RANBP2: variants seen among roughly 807,000 people sequenced by gnomAD.
RANBP2 encodes the protein E3 SUMO-protein ligase RanBP2.
Under a neutral mutation model 303.6 loss-of-function variants are expected in RANBP2, and 57 were observed. The observed-to-expected ratio is 0.19, with a 90% confidence interval of 0.15 to 0.23. RANBP2 has a LOEUF of 0.23. RANBP2 is among the 10% of genes least tolerant of loss of function. RANBP2 has a pLI of 1.00. For missense variants in RANBP2, 3,138 were observed against 3,780.8 expected, an observed-to-expected ratio of 0.83 and a Z score of 4.46; for synonymous variants, 1,167 against 1,301.5, an observed-to-expected ratio of 0.90 and a Z score of 2.23.
At chr2:109,466,750 TG>T in the RANBP2 span, among the ~76,000 whole-genome samples, 4 of 152,338 alleles carry the variant, frequency 2.6e-5, no homozygotes, top group Middle Eastern at 0.014. Context: ...TGTGTGCATT[TG>T]TGTGTCTATA....
chr2:109,777,449 A>T, the RANBP2 span, among the ~76,000 whole-genome samples: 1 of 136,980 alleles, frequency 7.3e-6, no homozygotes, highest in African/African-American at 2.7e-5. Flanking sequence ...TATGGTATAT[A>T]ATCCTTTTAT....
At chr2:109,054,533 C>T in the RANBP2 span, among the ~76,000 whole-genome samples, 1 of 151,942 alleles carries the variant, frequency 6.6e-6, no homozygotes, top group South Asian at 2.1e-4. Flanking sequence ...GGTGAAATCC[C>T]TTCTAAAAAT....
the RANBP2 span, chr2:109,347,564 C>A: frequency 7.0e-7 from 1 of 1,430,436 alleles, no homozygotes. Flanking sequence ...TCTGTATGCA[C>A]CCCCAGGACA....
At chr2:109,718,607 A>G in the RANBP2 span, among the ~76,000 whole-genome samples, 1 of 152,230 alleles carries the variant, frequency 6.6e-6, no homozygotes, top group East Asian at 1.9e-4. Flanking sequence ...AACAAGTACC[A>G]GGTTTCTTTT....
chr2:109,706,983 G>A, the RANBP2 span, among the ~76,000 whole-genome samples: 1 of 152,192 alleles, frequency 6.6e-6, no homozygotes, highest in Admixed American at 6.5e-5. Context: ...GAGTTGGAGA[G>A]GGAAGACCCA....
the RANBP2 span, among the ~76,000 whole-genome samples, chr2:109,644,725 T>C: frequency 6.6e-6 from 1 of 152,194 alleles, no homozygotes; most frequent in Admixed American, 6.5e-5. Flanking sequence ...ATGAGGCCGC[T>C]GGGACTGGAA....
chr2:109,626,481 AAAAC>A, the RANBP2 span, among the ~76,000 whole-genome samples: 26,013 of 151,766 alleles, frequency 0.17, 2,518 homozygotes, highest in African/African-American at 0.27. Context: ...AACGAAAAAC[AAAAC>A]AAACAAACAA....
the RANBP2 span, among the ~76,000 whole-genome samples, chr2:109,036,736 A>G: frequency 6.6e-6 from 1 of 152,190 alleles, no homozygotes; most frequent in Non-Finnish European, 1.5e-5. Flanking sequence ...GGCTGGGCAC[A>G]GTAGCTCATG....
chr2:109,651,555 T>C, the RANBP2 span, among the ~76,000 whole-genome samples: 2 of 152,202 alleles, frequency 1.3e-5, no homozygotes. Context: ...AGGGTGGCCC[T>C]GAAGAACAGT....
chr2:109,718,248 C>A, the RANBP2 span, among the ~76,000 whole-genome samples: 170 of 152,250 alleles, frequency 1.1e-3, 2 homozygotes, highest in East Asian at 0.031. Flanking sequence ...AAGCATATGA[C>A]CACCTAAAAA....
At chr2:109,059,539 GC>G in the RANBP2 span, among the ~76,000 whole-genome samples, 1 of 151,526 alleles carries the variant, frequency 6.6e-6, no homozygotes, top group Admixed American at 6.6e-5. Flanking sequence ...TCACACCACT[GC>G]ACTCCAGCCT....
chr2:109,407,777 A>G, the RANBP2 span, among the ~76,000 whole-genome samples: 277 of 152,318 alleles, frequency 1.8e-3, 4 homozygotes, highest in African/African-American at 6.3e-3. Flanking sequence ...AGAATCTTAT[A>G]CAAGAAAACT....
the RANBP2 span, among the ~76,000 whole-genome samples, chr2:109,723,058 T>A: frequency 6.6e-6 from 1 of 152,262 alleles, no homozygotes; most frequent in Non-Finnish European, 1.5e-5. Context: ...TCTTCTCCAA[T>A]GTTTGAATTA....
the RANBP2 span, among the ~76,000 whole-genome samples, chr2:109,155,490 A>T: frequency 1.5e-4 from 23 of 151,948 alleles, no homozygotes; most frequent in Non-Finnish European, 2.2e-4. Flanking sequence ...TTTAGTAGAG[A>T]TGGGGTTTCA....
chr2:109,575,184 C>T, the RANBP2 span, among the ~76,000 whole-genome samples: 1 of 152,210 alleles, frequency 6.6e-6, no homozygotes, highest in East Asian at 1.9e-4. Flanking sequence ...GGGTCCCTTT[C>T]TGACAAAGCT....
chr2:109,709,120 T>C, the RANBP2 span, among the ~76,000 whole-genome samples: 2 of 151,486 alleles, frequency 1.3e-5, no homozygotes, highest in African/African-American at 2.4e-5. Context: ...CTGACCAACA[T>C]GGAGAAACCC....
chr2:109,053,811 A>G, the RANBP2 span, among the ~76,000 whole-genome samples: 45 of 152,254 alleles, frequency 3.0e-4, no homozygotes, highest in African/African-American at 9.6e-4. Context: ...TTGAAGTCTG[A>G]AAAGCATGTC....
At chr2:109,364,666 C>CT in the RANBP2 span, among the ~76,000 whole-genome samples, 21 of 152,230 alleles carry the variant, frequency 1.4e-4, no homozygotes, top group African/African-American at 4.8e-4. Context: ...TTTCAGCAAG[C>CT]TTGTGCCCCT....
chr2:109,743,886 T>C, the RANBP2 span, among the ~76,000 whole-genome samples: 1 of 93,994 alleles, frequency 1.1e-5, no homozygotes, highest in East Asian at 2.6e-4. Context: ...GTAGATTTTC[T>C]GTTCCTGGGT....
Sources: allele counts gnomAD v4.1 joint callset (sites outside exome capture counted in the v4.1 genomes callset), GRCh38; gene constraint gnomAD v4.1.1; transcripts MANE v1.5; gene names NCBI Gene and HGNC (gene_info 2026-07-23, HGNC 2026-07-21).